Variants in CPA5 observed in about 807,000 individuals in gnomAD.
CPA5 encodes the protein carboxypeptidase A5, also known as testicular tissue protein Li 32.
In CPA5, 38 loss-of-function variants were observed where a neutral mutation model predicts 52.2. That is an observed-to-expected ratio of 0.73 (90% CI 0.56 to 0.95). The LOEUF (loss-of-function observed/expected upper bound fraction) is 0.95. CPA5 is among the 40% of genes least tolerant of loss of function. The pLI, the probability that CPA5 is intolerant of heterozygous loss-of-function variation, is 0.00. For missense variants in CPA5, 519 were observed against 566.7 expected (o/e 0.92, Z 0.86); for synonymous variants, 198 against 213.7 (o/e 0.93, Z 0.64).
At chr7:130,350,177 A>G (rs1313012752) in intron 5 of CPA5, 68 bp downstream of exon 5, 1 of 1,532,900 alleles carries the variant, frequency 6.5e-7, no homozygotes, top group Non-Finnish European at 8.8e-7. Context: ...AACATGGAGG[A>G]GATGTTCTCG....
intron 10 of CPA5, among the ~76,000 whole-genome samples, chr7:130,366,913 T>C (rs1796118471): frequency 6.6e-6 from 1 of 152,198 alleles, no homozygotes; most frequent in African/African-American, 2.4e-5. Context: ...CCTGCAGGGC[T>C]TCAGAACTGC....
chr7:130,369,601 G>T (rs1796268945), downstream of CPA5, among the ~76,000 whole-genome samples: 1 of 152,152 alleles, frequency 6.6e-6, no homozygotes, highest in Non-Finnish European at 1.5e-5. Flanking sequence ...ACTTGCATTT[G>T]CAAGAGCCAG....
intron 8 of CPA5, 92 bp downstream of exon 8, chr7:130,362,631 G>A (rs1231671330): frequency 1.0e-5 from 9 of 883,368 alleles, no homozygotes; most frequent in Non-Finnish European, 1.1e-5. Flanking sequence ...CAGTTCAACA[G>A]TTACACTCAG....
In CPA5 at chr7:130,346,410, C is replaced by G. The variant is rs1308848561; in HGVS notation, c.-76C>G. The G allele has an allele frequency of 4.6e-6, 5 of 1,088,662 alleles. No individual in the cohort carries two copies. The African/African-American group carries it at 7.8e-5, about 17-fold the overall frequency. 67.4% of individuals were successfully genotyped at this position (1,088,662 alleles called of 1,614,324 possible). A position where few individuals can be genotyped will look rare whatever the true frequency, so the allele number is the denominator to read the frequency against. On this transcript the variant is annotated 5_prime_UTR_variant, in exon 3 of 13. Coordinates refer to ENST00000474905, the MANE Select transcript of CPA5 (RefSeq NM_080385.5). ...TTTCTCAGGCTGGGCTTTCCAGCCT[C>G]TAGGTGCTGTGCTGTCCTGAGGCCT...
intron 11 of CPA5, 163 bp downstream of exon 11, chr7:130,367,734 G>A (rs1016064428): frequency 4.3e-5 from 36 of 846,842 alleles, no homozygotes; most frequent in African/African-American, 3.8e-4. Flanking sequence ...CTGTTCTCAC[G>A]TGTGATCAAG....
intron 5 of CPA5, among the ~76,000 whole-genome samples, chr7:130,359,216 C>G (rs1795658954): frequency 6.6e-6 from 1 of 152,192 alleles, no homozygotes. Flanking sequence ...CCAAAAACAC[C>G]TTCAAATCCA....
At chr7:130,373,370 T>A (rs1385278875), downstream of CPA5, among the ~76,000 whole-genome samples, 1 of 152,092 alleles carries the variant, frequency 6.6e-6, no homozygotes, top group Non-Finnish European at 1.5e-5. Flanking sequence ...TTATGAGCAT[T>A]TATTTAAAAG....
In CPA5 at chr7:130,359,608, G is replaced by T; in HGVS notation, c.353G>T (p.Arg118Ile). ...ACCCAGGTGCTGCTGGATGAGGAAA[G>T]ACAGGCCATGGCGAAATCCCGCCGG... ...KDIQVLLDEE[R>I]QAMAKSRRLE... The change falls in exon 6 of 13, where the codon AGA becomes ATA. Residue 118 changes from arginine (R) to isoleucine (I), a missense_variant. Arg to Ile is a moderately conservative substitution (Grantham distance 97, BLOSUM62 -3). Transcript: ENST00000474905. 1 of 1,569,608 alleles carries T rather than the reference G, an allele frequency of 6.4e-7. No individual in the cohort carries two copies. The highest frequency in any genetic ancestry group is 8.6e-7 in the Non-Finnish European group (1 of 1,156,668).
In CPA5 at chr7:130,352,667, C is replaced by T. The variant is rs567048486; in HGVS notation, c.333+2558C>T. Reference sequence around the variant, plus strand: ...CTTTCACATGATCAGATTTGCATTTCAGAAACACCACCCTGACAGTGACAG... The same window carrying T: ...CTTTCACATGATCAGATTTGCATTTTAGAAACACCACCCTGACAGTGACAG... On this transcript the variant is annotated intron_variant, in intron 5 of 12. Transcript: ENST00000474905. Among the ~76,000 whole-genome samples, 10 of 152,198 alleles carry T rather than the reference C, an allele frequency of 6.6e-5. No individual in the cohort carries two copies. In the East Asian group the frequency reaches 1.7e-3, roughly 27 times the overall value.
intron 4 of CPA5, among the ~76,000 whole-genome samples, chr7:130,349,055 G>A (rs1175820675): frequency 6.6e-6 from 1 of 152,148 alleles, no homozygotes; most frequent in East Asian, 1.9e-4. Flanking sequence ...TGGCCCCAAA[G>A]CGCAAGAGTA....
At position 130,355,129 on chromosome 7, in the gene CPA5, T is replaced by TC. The variant is rs1554404891; in HGVS notation, c.334-4455dup. On this transcript the variant is annotated intron_variant, in intron 5 of 12. Transcript: ENST00000474905. ...CCATGAAAGTCAGGTGCTGACTGAC[T>TC]CCCCCAGATGACCATTAATGGGGGC... Among the ~76,000 whole-genome samples the TC allele has an allele frequency of 3.3e-5, 5 of 152,056 alleles. No individual in the cohort carries two copies. The South Asian group carries it at 1.0e-3, about 32-fold the overall frequency.
Position 130,362,457 on chromosome 7 carries a change from G to T in CPA5, c.554G>T (p.Arg185Leu). Residue 185 changes from arginine (R) to leucine (L), a missense_variant, in exon 8 of 13, where the codon CGG (arginine) becomes CTG (leucine). Transcript: ENST00000474905. ...TCTCAGTTCAGCACTGGAGGTTCTCGGCACCCAGCCATCTGGATTGACACT... is the reference window on the plus strand; with the variant it reads ...TCTCAGTTCAGCACTGGAGGTTCTCTGCACCCAGCCATCTGGATTGACACT... ...LVLKFSTGGS[R>L]HPAIWIDTGI... is the part of the protein sequence containing the mutation. The T allele has an allele frequency of 6.2e-7, 1 of 1,612,970 alleles. No individual in the cohort carries two copies. The highest frequency in any genetic ancestry group is 1.1e-5 in the South Asian group (1 of 91,018).
chr7:130,366,486 A>G (rs6948232), intron 10 of CPA5, among the ~76,000 whole-genome samples: 28,858 of 152,154 alleles, frequency 0.19, 2,909 homozygotes, highest in Non-Finnish European at 0.21. Context: ...GGGCGAAGGC[A>G]AAGAGTCCAG....
chr7:130,372,574 G>A (rs911848163), downstream of CPA5, among the ~76,000 whole-genome samples: 54 of 152,174 alleles, frequency 3.5e-4, no homozygotes, highest in South Asian at 6.2e-4. Flanking sequence ...CCCTTGTGAC[G>A]AAATTCCAGG....
intron 7 of CPA5, among the ~76,000 whole-genome samples, chr7:130,361,830 C>A (rs1562957485): frequency 6.6e-6 from 1 of 152,180 alleles, no homozygotes; most frequent in Admixed American, 6.5e-5. Context: ...AGTGTGGACC[C>A]TGCGGGGCGT....
Position 130,367,401 on chromosome 7 carries a change from G to C in CPA5, c.868G>C (p.Glu290Gln), listed in dbSNP as rs1554408714. Residue 290 changes from glutamate (E) to glutamine (Q), a missense_variant, in exon 11 of 13, where the codon GAA becomes CAA. Glu to Gln is a conservative substitution (Grantham distance 29). Transcript: ENST00000474905. ...TGGTTCTAACAGCAACCCCTGCTCA[G>C]AAACTTATCACGGGCCCTCCCCTCA... is the stretch of plus-strand genomic sequence containing the variant. ...GNGSNSNPCS[E>Q]TYHGPSPQSE... 7.4e-6 allele frequency: 12 copies of C among 1,614,018 alleles called. No individual in the cohort carries two copies. Among genetic ancestry groups the C allele is most frequent in the Non-Finnish European group, 1.0e-5 (12 of 1,180,032 alleles).
downstream of CPA5, chr7:130,368,879 G>C (rs2117480368): frequency 2.2e-6 from 1 of 449,710 alleles, no homozygotes; most frequent in African/African-American, 2.0e-5. Flanking sequence ...GGGGGTAGAG[G>C]CTGTAGCTTT....
chr7:130,358,401 T>G (rs1648344001), intron 5 of CPA5, among the ~76,000 whole-genome samples: 1 of 152,200 alleles, frequency 6.6e-6, no homozygotes, highest in East Asian at 1.9e-4. Flanking sequence ...CTCCACCACT[T>G]GTTAGCTTTG....
intron 5 of CPA5, among the ~76,000 whole-genome samples, chr7:130,357,135 C>T (rs1422534535): frequency 1.3e-5 from 2 of 152,196 alleles, no homozygotes; most frequent in Admixed American, 6.5e-5. Context: ...GTAATTGCCT[C>T]GCATGGAGTT....
Sources: allele counts gnomAD v4.1 joint callset (sites outside exome capture counted in the v4.1 genomes callset), GRCh38; gene constraint gnomAD v4.1.1; transcripts MANE v1.5; gene names NCBI Gene and HGNC (gene_info 2026-07-23, HGNC 2026-07-21).